The following NAV2 variants were observed in gnomAD, a reference collection of about 807,000 sequenced individuals.
NAV2 encodes neuron navigator 2.
A neutral mutation model predicts 223.2 loss-of-function variants in NAV2; 54 were observed. The observed-to-expected ratio is 0.24, with a 90% CI of 0.19 to 0.30. The LOEUF is 0.30. Ranked by LOEUF, NAV2 falls within the 10% of genes least tolerant of loss-of-function variation. The pLI is 1.00. For missense variants in NAV2, 2,806 were observed against 3,147.5 expected (o/e 0.89, Z 2.60); for synonymous variants, 1,279 against 1,239.3 (o/e 1.03, Z -0.67).
intron 2 of NAV2, among the ~76,000 whole-genome samples, chr11:19,833,454 T>C (rs2060061031): frequency 6.6e-6 from 1 of 152,228 alleles, no homozygotes; most frequent in Non-Finnish European, 1.5e-5. Context: ...AAGGTTGGCC[T>C]TAGCTGAAAC....
chr11:19,723,587 C>T (rs192364160), intron 1 of NAV2, among the ~76,000 whole-genome samples: 8 of 152,364 alleles, frequency 5.3e-5, no homozygotes, highest in Admixed American at 3.3e-4. Context: ...GCTTCCCCCT[C>T]GTTGGGGCCT....
At chr11:19,805,650 C>T (rs2058516453) in intron 1 of NAV2, among the ~76,000 whole-genome samples, 1 of 152,222 alleles carries the variant, frequency 6.6e-6, no homozygotes, top group Non-Finnish European at 1.5e-5. Flanking sequence ...GAGCTGTGAG[C>T]TGCCTTTCCT....
At chr11:19,467,078 TA>T (rs1337609251) in intron 1 of NAV2, among the ~76,000 whole-genome samples, 1 of 151,184 alleles carries the variant, frequency 6.6e-6, no homozygotes, top group Non-Finnish European at 1.5e-5. Flanking sequence ...TATCTATCTG[TA>T]ATCCAAATTG....
intron 1 of NAV2, among the ~76,000 whole-genome samples, chr11:19,594,323 T>A (rs1430033071): frequency 1.3e-5 from 2 of 152,194 alleles, no homozygotes; most frequent in African/African-American, 2.4e-5. Flanking sequence ...TAAGTTTCTG[T>A]AAGTTTCACT....
intron 1 of NAV2, among the ~76,000 whole-genome samples, chr11:19,717,161 G>T (rs2050374246): frequency 6.6e-6 from 1 of 152,250 alleles, no homozygotes; most frequent in South Asian, 2.1e-4. Flanking sequence ...TGGCAGGGCA[G>T]GGAGTCCAGC....
At chr11:19,848,194 A>G (rs1303179341) in intron 3 of NAV2, among the ~76,000 whole-genome samples, 3 of 152,214 alleles carry the variant, frequency 2.0e-5, no homozygotes, top group Non-Finnish European at 4.4e-5. Flanking sequence ...GCACTTAGGC[A>G]CAGAGAAGGG....
intron 1 of NAV2, among the ~76,000 whole-genome samples, chr11:19,662,391 G>A (rs2135738620): frequency 6.6e-6 from 1 of 152,344 alleles, no homozygotes; most frequent in South Asian, 2.1e-4. Flanking sequence ...CTGCCCATCA[G>A]TGGGGTGAGG....
intron 1 of NAV2, chr11:19,714,445 C>T (rs1246544458): frequency 4.4e-6 from 2 of 457,194 alleles, no homozygotes; most frequent in Non-Finnish European, 8.8e-6. Flanking sequence ...AAGGGGATCG[C>T]GGGTGGCAGT....
intron 1 of NAV2, among the ~76,000 whole-genome samples, chr11:19,612,673 C>T (rs112243293): frequency 0.021 from 3,263 of 152,294 alleles, 46 homozygotes; most frequent in Non-Finnish European, 0.03. Flanking sequence ...TCTTAGACCA[C>T]CTCAGCCTGG....
intron 1 of NAV2, among the ~76,000 whole-genome samples, chr11:19,398,834 C>T (rs1261415809): frequency 6.6e-6 from 1 of 152,232 alleles, no homozygotes; most frequent in Non-Finnish European, 1.5e-5. Context: ...GACACACTCA[C>T]AGCTAGTGGG....
chr11:20,063,373 A>AT lies in NAV2; in HGVS notation c.4884+1017dup, dbSNP rs78925764. Among the ~76,000 whole-genome samples the AT allele has an allele frequency of 4.2e-5, 3 of 72,096 alleles. No homozygotes were observed. The Admixed American group carries it at 6.6e-4, about 16-fold the overall frequency. The allele number at this position is 72,096 out of a possible 152,430, so 47.3% of individuals were successfully genotyped here. A position where few individuals can be genotyped will look rare whatever the true frequency, so the allele number is the denominator to read the frequency against. ...TATTTACTTTTTATAGCTGTACACT[A>AT]TTTATTTTATTTTATTTTAGACAGA... On this transcript the variant is annotated intron_variant, in intron 20 of 37. Coordinates refer to ENST00000349880, the MANE Select transcript of NAV2 (RefSeq NM_145117.5).
chr11:19,543,467 T>C (rs2044394853), intron 1 of NAV2, among the ~76,000 whole-genome samples: 1 of 152,230 alleles, frequency 6.6e-6, no homozygotes, highest in Admixed American at 6.5e-5. Context: ...CTATTCTTTT[T>C]CTTTTATCGC....
intron 22 of NAV2, among the ~76,000 whole-genome samples, chr11:20,077,232 C>A (rs566529436): frequency 2.6e-5 from 4 of 151,904 alleles, no homozygotes; most frequent in African/African-American, 9.7e-5. Context: ...CGTGAAAGTA[C>A]GAGCCGAGAG....
At chr11:19,944,863 G>A (rs145895806) in intron 8 of NAV2, among the ~76,000 whole-genome samples, 7,798 of 136,598 alleles carry the variant, frequency 0.057, 326 homozygotes, top group South Asian at 0.082. Context: ...TGTCTTGCTT[G>A]TCTTTCTTTC....
intron 20 of NAV2, among the ~76,000 whole-genome samples, chr11:20,067,195 C>G (rs1409961621): frequency 6.6e-6 from 1 of 152,116 alleles, no homozygotes; most frequent in Non-Finnish European, 1.5e-5. Context: ...AGATGAAGGC[C>G]ACATTTATCC....
intron 1 of NAV2, among the ~76,000 whole-genome samples, chr11:19,603,361 C>T (rs2046397852): frequency 6.6e-6 from 1 of 152,096 alleles, no homozygotes; most frequent in Non-Finnish European, 1.5e-5. Context: ...GGCACAGTGG[C>T]TTATGTTTGT....
chr11:19,510,455 A>C (rs2043243882), intron 1 of NAV2, among the ~76,000 whole-genome samples: 1 of 152,220 alleles, frequency 6.6e-6, no homozygotes, highest in African/African-American at 2.4e-5. Context: ...CAGTGGCTGC[A>C]ATTCATTGTT....
chr11:19,913,156 G>A (rs750031283), intron 6 of NAV2, among the ~76,000 whole-genome samples: 26 of 152,178 alleles, frequency 1.7e-4, no homozygotes, highest in Non-Finnish European at 4.4e-5. Flanking sequence ...ATATAACCAG[G>A]TCAGAAATCA....
intron 6 of NAV2, among the ~76,000 whole-genome samples, chr11:19,924,761 A>G (rs978081663): frequency 6.6e-6 from 1 of 152,210 alleles, no homozygotes; most frequent in Non-Finnish European, 1.5e-5. Flanking sequence ...TGGTTAGTCA[A>G]GAGGGGGACA....
Sources: allele counts gnomAD v4.1 joint callset (sites outside exome capture counted in the v4.1 genomes callset), GRCh38; gene constraint gnomAD v4.1.1; transcripts MANE v1.5; gene names NCBI Gene and HGNC (gene_info 2026-07-23, HGNC 2026-07-21).